Variants in SNTG2 observed in about 807,000 individuals in gnomAD.
The protein encoded by SNTG2 is syntrophin gamma 2, also known as gamma-2-syntrophin.
A neutral mutation model predicts 70.9 loss-of-function variants in SNTG2; 74 were observed. The observed-to-expected ratio is 1.04, with a 90% CI of 0.86 to 1.27. SNTG2 has a LOEUF of 1.27. Among genes scored for constraint, SNTG2 ranks in the 50% most tolerant of loss-of-function variants. The pLI, the probability that SNTG2 is intolerant of heterozygous loss-of-function variation, is 0.00. For missense variants in SNTG2, 717 were observed against 690.7 expected, an observed-to-expected ratio of 1.04 and a Z score of -0.43; for synonymous variants, 278 against 273.8, an observed-to-expected ratio of 1.02 and a Z score of -0.15.
At chr2:1,069,521 A>C (rs1010087076) in intron 1 of SNTG2, among the ~76,000 whole-genome samples, 1 of 151,114 alleles carries the variant, frequency 6.6e-6, no homozygotes, top group Non-Finnish European at 1.5e-5. Flanking sequence ...GGCTGGGCGC[A>C]GTGGCTCATG....
chr2:969,787 G>A (rs1660680920), intron 1 of SNTG2, among the ~76,000 whole-genome samples: 1 of 152,160 alleles, frequency 6.6e-6, no homozygotes, highest in Non-Finnish European at 1.5e-5. Flanking sequence ...TTTTCTAGGT[G>A]TAGAATCATA....
chr2:1,119,798 T>A (rs1273182502), intron 4 of SNTG2, among the ~76,000 whole-genome samples: 1 of 152,010 alleles, frequency 6.6e-6, no homozygotes, highest in Non-Finnish European at 1.5e-5. Flanking sequence ...AATAAGAGAA[T>A]GGCATTGCTC....
At chr2:1,062,272 A>C (rs1404869100) in intron 1 of SNTG2, among the ~76,000 whole-genome samples, 1 of 152,206 alleles carries the variant, frequency 6.6e-6, no homozygotes, top group Non-Finnish European at 1.5e-5. Flanking sequence ...GCCGTGCACC[A>C]AGGATATACT....
intron 7 of SNTG2, among the ~76,000 whole-genome samples, chr2:1,168,096 C>T (rs1670864984): frequency 7.1e-6 from 1 of 141,658 alleles, no homozygotes; most frequent in Non-Finnish European, 1.5e-5. Flanking sequence ...AGGCCGCCCA[C>T]AGACGGCAGT....
At chr2:1,175,778 A>G (rs1226271386) in intron 8 of SNTG2, among the ~76,000 whole-genome samples, 1 of 152,134 alleles carries the variant, frequency 6.6e-6, no homozygotes, top group Non-Finnish European at 1.5e-5. Flanking sequence ...GTGTGGCTGT[A>G]GCTTGTTGAG....
chr2:1,140,377 A>C (rs1356442250), intron 6 of SNTG2, among the ~76,000 whole-genome samples: 1 of 152,238 alleles, frequency 6.6e-6, no homozygotes, highest in East Asian at 1.9e-4. Context: ...CCGTATGTTC[A>C]CTGGGCAAAT....
chr2:974,833 T>A (rs1405082021), intron 1 of SNTG2, among the ~76,000 whole-genome samples: 23 of 152,178 alleles, frequency 1.5e-4, no homozygotes, highest in Admixed American at 1.5e-3. Context: ...GCTTTTACAC[T>A]CTCTGACATT....
At chr2:1,347,437 C>A (rs942080921) in intron 16 of SNTG2, among the ~76,000 whole-genome samples, 8 of 152,182 alleles carry the variant, frequency 5.3e-5, no homozygotes, top group Admixed American at 5.2e-4. Context: ...GAGACTAGGA[C>A]CATCATCAAA....
In SNTG2 at chr2:969,236, T is replaced by C. The variant is rs145471838; in HGVS notation, c.72+18168T>C. Among the ~76,000 whole-genome samples the C allele has an allele frequency of 2.7e-3, 418 of 152,338 alleles. 1 individual carries two copies. The highest frequency in any genetic ancestry group is 9.7e-3 in the African/African-American group (404 of 41,578). ...TTCCATTGGCCTGTGTTTGTTTTTG[T>C]ACCTGTACCATGCTGTTTTGGCCAC... On this transcript the variant is annotated intron_variant, in intron 1 of 16. Transcript: ENST00000308624.
intron 4 of SNTG2, 127 bp downstream of exon 4, chr2:1,098,537 A>C: frequency 9.8e-7 from 1 of 1,015,398 alleles, no homozygotes; most frequent in Non-Finnish European, 1.5e-6. Context: ...TTATTTTTGT[A>C]GCTGTGTCTT....
At chr2:980,677 A>G (rs1332028685) in intron 1 of SNTG2, among the ~76,000 whole-genome samples, 1 of 146,848 alleles carries the variant, frequency 6.8e-6, no homozygotes, top group Non-Finnish European at 1.5e-5. Flanking sequence ...GGATAGGCCT[A>G]GTGTTTATAG....
At chr2:1,102,333 T>C (rs1665830777) in intron 4 of SNTG2, among the ~76,000 whole-genome samples, 1 of 152,180 alleles carries the variant, frequency 6.6e-6, no homozygotes, top group Non-Finnish European at 1.5e-5. Context: ...AGGAGGCTGT[T>C]CCAGGAAGCA....
intron 4 of SNTG2, among the ~76,000 whole-genome samples, chr2:1,116,576 TGGTGTACGGGTGCCCC>T (rs2148273682): frequency 6.8e-6 from 1 of 147,708 alleles, no homozygotes; most frequent in South Asian, 2.2e-4. Context: ...GTGGGTGCCC[TGGTGTACGGGTGCCCC>T]GGTGTTCGGG....
chr2:1,063,218 G>C (rs1662936942), intron 1 of SNTG2, among the ~76,000 whole-genome samples: 1 of 152,132 alleles, frequency 6.6e-6, no homozygotes, highest in African/African-American at 2.4e-5. Context: ...CCTTCCTAGA[G>C]GAGCAGATAT....
intron 1 of SNTG2, among the ~76,000 whole-genome samples, chr2:1,030,609 G>A (rs1660761321): frequency 6.6e-6 from 1 of 152,194 alleles, no homozygotes; most frequent in South Asian, 2.1e-4. Flanking sequence ...CCTACAGTAG[G>A]TTAGGTGTTC....
intron 4 of SNTG2, among the ~76,000 whole-genome samples, chr2:1,099,944 C>T (rs1427855679): frequency 2.6e-5 from 4 of 152,180 alleles, no homozygotes; most frequent in Non-Finnish European, 4.4e-5. Context: ...GTTAAACTTG[C>T]AGCAGATGGG....
intron 1 of SNTG2, among the ~76,000 whole-genome samples, chr2:1,045,008 A>T (rs1661650774): frequency 6.6e-6 from 1 of 151,084 alleles, no homozygotes. Context: ...AATACATCTT[A>T]TCCAGTGCTT....
intron 4 of SNTG2, among the ~76,000 whole-genome samples, chr2:1,130,509 A>G (rs947911473): frequency 5.3e-5 from 8 of 152,224 alleles, no homozygotes; most frequent in African/African-American, 1.2e-4. Flanking sequence ...AGAAATGACA[A>G]TTAAAGTTTT....
At chr2:1,158,066 T>G (rs2065881119) in intron 6 of SNTG2, among the ~76,000 whole-genome samples, 2 of 152,210 alleles carry the variant, frequency 1.3e-5, no homozygotes, top group Admixed American at 1.3e-4. Context: ...TCATGGTGAT[T>G]AGTAGATTCA....
Sources: allele counts gnomAD v4.1 joint callset (sites outside exome capture counted in the v4.1 genomes callset), GRCh38; gene constraint gnomAD v4.1.1; transcripts MANE v1.5; gene names NCBI Gene and HGNC (gene_info 2026-07-23, HGNC 2026-07-21).